The following MGMT variants were observed in gnomAD, a reference collection of about 807,000 sequenced individuals.
MGMT encodes the protein methylated-DNA--protein-cysteine methyltransferase.
MGMT carries 14 observed loss-of-function variants against 15.9 expected under a neutral mutation model. The ratio of observed to expected loss-of-function variants is 0.88; its 90% CI spans 0.58 to 1.37. MGMT has a LOEUF of 1.37. Among genes scored for constraint, MGMT ranks in the 40% most tolerant of loss-of-function variants. The probability of loss-of-function intolerance (pLI) is 0.00; values close to 1 mark genes in which losing one functional copy is unlikely to be tolerated. For missense variants in MGMT, 282 were observed against 268.1 expected (o/e 1.05, Z -0.36); for synonymous variants, 130 against 118.2 (o/e 1.10, Z -0.65).
chr10:129,520,627 A>G (rs946872658), intron 1 of MGMT, among the ~76,000 whole-genome samples: 2 of 128,810 alleles, frequency 1.6e-5, no homozygotes, highest in African/African-American at 6.6e-5. Context: ...GTGCACCTAC[A>G]GAACCCCTAA....
intron 2 of MGMT, among the ~76,000 whole-genome samples, chr10:129,663,564 TAAAC>T (rs1246148010): frequency 1.3e-5 from 2 of 152,074 alleles, no homozygotes; most frequent in East Asian, 1.9e-4. Flanking sequence ...GAAAAAAATT[TAAAC>T]AGACAAATCA....
intron 2 of MGMT, among the ~76,000 whole-genome samples, chr10:129,555,786 T>A (rs968866353): frequency 6.6e-6 from 1 of 152,212 alleles, no homozygotes; most frequent in Non-Finnish European, 1.5e-5. Flanking sequence ...TATGTGCTCT[T>A]AACAAAGAAT....
chr10:129,723,708 A>G (rs1403301024), intron 3 of MGMT, among the ~76,000 whole-genome samples: 1 of 152,220 alleles, frequency 6.6e-6, no homozygotes, highest in East Asian at 1.9e-4. Context: ...CCCAGTAAAT[A>G]ACTGGACAAA....
intron 2 of MGMT, among the ~76,000 whole-genome samples, chr10:129,578,985 A>C (rs1846520582): frequency 6.6e-6 from 1 of 152,176 alleles, no homozygotes; most frequent in African/African-American, 2.4e-5. Context: ...GCCTCATTTA[A>C]GCCTGCCGTC....
intron 2 of MGMT, among the ~76,000 whole-genome samples, chr10:129,681,920 T>C (rs1201450603): frequency 1.3e-5 from 2 of 152,156 alleles, no homozygotes; most frequent in Non-Finnish European, 2.9e-5. Context: ...AGCTAGAAAT[T>C]GGACAAACAA....
rs570974444 is a variant in MGMT at position 129,580,691 on chromosome 10, C to G, written c.125+44314C>G. Among the ~76,000 whole-genome samples the G allele has an allele frequency of 9.2e-5, 14 of 152,334 alleles. No individual in the cohort carries two copies. The East Asian group carries it at 2.1e-3, about 23-fold the overall frequency. ...ACAGACATCCTGTACCTAGGGACAC[C>G]CCATGATGGCTTGTCCCCCGACCAC... is the stretch of plus-strand genomic sequence containing the variant. On this transcript the variant is annotated intron_variant, in intron 2 of 4. Coordinates refer to ENST00000651593, the MANE Select transcript of MGMT (RefSeq NM_002412.5).
intron 2 of MGMT, among the ~76,000 whole-genome samples, chr10:129,577,707 G>A (rs1348870807): frequency 2.6e-5 from 4 of 152,160 alleles, no homozygotes; most frequent in African/African-American, 9.7e-5. Flanking sequence ...AAACTAAAGA[G>A]CTTCTGCACA....
intron 3 of MGMT, among the ~76,000 whole-genome samples, chr10:129,723,579 A>G (rs944576158): frequency 6.6e-6 from 1 of 152,264 alleles, no homozygotes; most frequent in Admixed American, 6.5e-5. Context: ...AAAAGACTTC[A>G]TTAAGTAAAT....
chr10:129,545,588 G>A (rs184580375), intron 2 of MGMT, among the ~76,000 whole-genome samples: 7 of 152,270 alleles, frequency 4.6e-5, no homozygotes, highest in Admixed American at 2.0e-4. Context: ...CCAGGGCCAC[G>A]TCTGTGGATG....
rs868057304 is a variant in MGMT, at chr10:129,708,101, G to T, written c.274+58G>T. The T allele has an allele frequency of 1.2e-5, 18 of 1,548,104 alleles. No homozygotes were observed. The Middle Eastern group carries it at 5.3e-4, about 45-fold the overall frequency. The stretch of plus-strand genomic sequence containing the variant: ...TGGGGAGCTTGACTTATTAACGATC[G>T]CTGACATCACAGTTCATTTTATTGA... On this transcript the variant is annotated intron_variant, in intron 3 of 4. Coordinates refer to ENST00000651593, the MANE Select transcript of MGMT (RefSeq NM_002412.5).
At chr10:129,543,055 G>A (rs948354659) in intron 2 of MGMT, among the ~76,000 whole-genome samples, 2 of 152,218 alleles carry the variant, frequency 1.3e-5, no homozygotes, top group African/African-American at 4.8e-5. Context: ...AGGAAGCCAA[G>A]GTGTTTCTTT....
intron 2 of MGMT, among the ~76,000 whole-genome samples, chr10:129,707,520 T>C (rs1848178292): frequency 6.6e-6 from 1 of 151,914 alleles, no homozygotes; most frequent in Non-Finnish European, 1.5e-5. Context: ...CGGGGTGGGG[T>C]GGGCCGTGTG....
At chr10:129,686,975 C>T (rs1182509411) in intron 2 of MGMT, among the ~76,000 whole-genome samples, 2 of 152,072 alleles carry the variant, frequency 1.3e-5, no homozygotes, top group African/African-American at 2.4e-5. Flanking sequence ...AGGATGCAGC[C>T]TCCATCCTTG....
At chr10:129,562,191 C>T (rs979453032) in intron 2 of MGMT, among the ~76,000 whole-genome samples, 3 of 152,170 alleles carry the variant, frequency 2.0e-5, no homozygotes, top group African/African-American at 4.8e-5. Context: ...CAAAACACTC[C>T]GTCACCATTC....
At chr10:129,655,577 C>A (rs1014800576) in intron 2 of MGMT, among the ~76,000 whole-genome samples, 1 of 152,074 alleles carries the variant, frequency 6.6e-6, no homozygotes, top group Non-Finnish European at 1.5e-5. Context: ...TGTGCATGTT[C>A]GTGTGTGACT....
At chr10:129,695,628 A>G (rs952736192) in intron 2 of MGMT, among the ~76,000 whole-genome samples, 2 of 152,206 alleles carry the variant, frequency 1.3e-5, no homozygotes, top group Admixed American at 6.5e-5. Context: ...AGCTGTGTGG[A>G]GATGAATTGT....
rs1411935174 is a variant in MGMT, at chr10:129,659,329, C to G, written c.126-48566C>G. 6.8e-6 allele frequency among the ~76,000 whole-genome samples: 1 copy of G among 147,536 alleles called. No individual in the cohort carries two copies. On this transcript the variant is annotated intron_variant, in intron 2 of 4. Coordinates refer to ENST00000651593, the MANE Select transcript of MGMT (RefSeq NM_002412.5). The surrounding 1 kb of genome is among the most constrained non-coding windows in gnomAD (Gnocchi z 4.1). ...CCAAGATCGCACCACTGCGCTCCAG[C>G]CTGGGTGGCAGAGCGAGACTCCCTG... is the stretch of plus-strand genomic sequence containing the variant.
chr10:129,749,637 C>G (rs943018888), intron 3 of MGMT, among the ~76,000 whole-genome samples: 2 of 152,096 alleles, frequency 1.3e-5, no homozygotes, highest in Non-Finnish European at 2.9e-5. Context: ...GAGTAAATAC[C>G]TAGGTGTGCA....
chr10:129,542,390 A>G (rs1401343965), intron 2 of MGMT, among the ~76,000 whole-genome samples: 1 of 152,108 alleles, frequency 6.6e-6, no homozygotes, highest in Non-Finnish European at 1.5e-5. Context: ...AACTTCACGA[A>G]TTCGTTTTTT....
Sources: gnomAD v4.1 joint callset for allele counts (sites outside exome capture counted in the v4.1 genomes callset) on GRCh38, gnomAD v4.1.1 for gene constraint, Gnocchi (gnomAD v3.1) non-coding constraint, MANE v1.5 for transcripts, NCBI Gene and HGNC (gene_info 2026-07-23, HGNC 2026-07-21) for gene names.